Variants in MLIP observed in about 807,000 individuals in gnomAD.
MLIP encodes muscular LMNA interacting protein.
MLIP carries 79 observed loss-of-function variants against 84.8 expected under a neutral mutation model. The observed-to-expected ratio is 0.93, with a 90% CI of 0.78 to 1.12. The LOEUF (loss-of-function observed/expected upper bound fraction) is 1.12, where lower values mean the gene tolerates loss of function less well. MLIP is among the 50% of genes most tolerant of loss of function. The probability of loss-of-function intolerance (pLI) is 0.00; values close to 1 mark genes in which losing one functional copy is unlikely to be tolerated. For missense variants in MLIP, 1,257 were observed against 1,160.6 expected, an observed-to-expected ratio of 1.08 and a Z score of -1.21; for synonymous variants, 504 against 463.0, an observed-to-expected ratio of 1.09 and a Z score of -1.14.
intron 4 of MLIP, among the ~76,000 whole-genome samples, chr6:54,145,686 G>A (rs1772736581): frequency 6.6e-6 from 1 of 152,038 alleles, no homozygotes; most frequent in African/African-American, 2.4e-5. Context: ...TGAGGTGGAA[G>A]AATTGCTTGA....
chr6:54,242,288 G>T (rs16885091), intron 12 of MLIP, among the ~76,000 whole-genome samples: 9,312 of 152,202 alleles, frequency 0.061, 471 homozygotes, highest in East Asian at 0.2. Context: ...AACATTGAAG[G>T]TTGACTTTCC....
intron 1 of MLIP, among the ~76,000 whole-genome samples, chr6:54,098,735 C>T (rs982341464): frequency 6.6e-6 from 1 of 152,076 alleles, no homozygotes; most frequent in African/African-American, 2.4e-5. Flanking sequence ...AATGGCAATC[C>T]TATTGCAAAT....
chr6:54,235,640 C>T (rs1450260028), intron 12 of MLIP, among the ~76,000 whole-genome samples: 1 of 151,984 alleles, frequency 6.6e-6, no homozygotes, highest in African/African-American at 2.4e-5. Context: ...CACTAGGAGC[C>T]CCAGATGCTT....
chr6:54,061,600 G>T (rs1408598316), intron 1 of MLIP, among the ~76,000 whole-genome samples: 12 of 152,162 alleles, frequency 7.9e-5, no homozygotes. Flanking sequence ...GCAGAAGTAG[G>T]ACATACAAAT....
intron 11 of MLIP, among the ~76,000 whole-genome samples, chr6:54,229,635 C>T (rs942323924): frequency 2.6e-5 from 4 of 152,154 alleles, no homozygotes; most frequent in African/African-American, 9.7e-5. Context: ...TTTTACTGTT[C>T]CTGCATTAGT....
Position 54,160,564 on chromosome 6 carries a change from A to G in MLIP, c.2404A>G (p.Thr802Ala). Reference protein sequence around the residue: ...LRQQTEELCATIDKVLQDSLS... With the variant: ...LRQQTEELCAAIDKVLQDSLS... ...GCAGCAAACTGAAGAGCTCTGTGCT[A>G]CCATTGATAAGGTCTTACAGGATTC... Residue 802 changes from threonine to alanine, a missense_variant, in exon 7 of 14, where the codon ACC becomes GCC. Physicochemically the swap from Thr to Ala is moderately conservative, Grantham distance 58. Transcript: ENST00000502396. 6.2e-7 allele frequency: 1 copy of G among 1,612,384 alleles called. No homozygotes were observed. Among genetic ancestry groups the G allele is most frequent in the Non-Finnish European group, 8.5e-7 (1 of 1,179,004 alleles).
At chr6:54,040,527 C>T (rs1764683366) in intron 1 of MLIP, among the ~76,000 whole-genome samples, 1 of 151,996 alleles carries the variant, frequency 6.6e-6, no homozygotes, top group Admixed American at 6.6e-5. Flanking sequence ...AAACTTAAAA[C>T]AGAACTACCT....
chr6:54,136,892 G>A lies in MLIP; in HGVS notation c.823G>A (p.Ala275Thr). 3.3e-6 allele frequency: 5 copies of A among 1,535,452 alleles called. No individual in the cohort carries two copies. Among genetic ancestry groups the A allele is most frequent in the Non-Finnish European group, 4.4e-6 (5 of 1,146,548 alleles). ...DVGGAVVEES[A>T]TYFQTTAHST... Reference sequence around the variant, plus strand: ...CGGTGGGGCCGTGGTGGAAGAATCAGCTACGTATTTTCAAACTACCGCTCA... The same window carrying A: ...CGGTGGGGCCGTGGTGGAAGAATCAACTACGTATTTTCAAACTACCGCTCA... The change falls in exon 4 of 14, where the codon GCT (alanine) becomes ACT (threonine). Residue 275 changes from alanine (A) to threonine (T), a missense_variant. Physicochemically the swap from Ala to Thr is moderately conservative, Grantham distance 58 (BLOSUM62 0). Transcript: ENST00000502396.
At position 54,159,109 on chromosome 6, in the gene MLIP, C is replaced by T. The variant is rs115733908; in HGVS notation, c.2290-1258C>T. On this transcript the variant is annotated intron_variant, in intron 5 of 13. Transcript: ENST00000502396. ...AAAATTTTTTATAGAGATGGGATCTCACTGTGTTGTCCAGGCTGGTCTTGA... is the reference window on the plus strand; with the variant it reads ...AAAATTTTTTATAGAGATGGGATCTTACTGTGTTGTCCAGGCTGGTCTTGA... 7.5e-3 allele frequency among the ~76,000 whole-genome samples: 1,141 copies of T among 151,990 alleles called. 6 individuals carry two copies. Among genetic ancestry groups the T allele is most frequent in the Non-Finnish European group, 0.014 (921 of 67,930 alleles).
chr6:54,108,544 A>T (rs575222728), upstream of MLIP, among the ~76,000 whole-genome samples: 2 of 152,164 alleles, frequency 1.3e-5, no homozygotes, highest in African/African-American at 4.8e-5. Flanking sequence ...ATAATGCATG[A>T]CCATTTATGT....
intron 1 of MLIP, among the ~76,000 whole-genome samples, chr6:54,052,716 T>C (rs1765444166): frequency 6.6e-6 from 1 of 152,118 alleles, no homozygotes; most frequent in Non-Finnish European, 1.5e-5. Flanking sequence ...ATTATACTAC[T>C]TATTGAAAAG....
chr6:54,215,221 C>T, intron 11 of MLIP: 1 of 1,532,044 alleles, frequency 6.5e-7, no homozygotes, highest in Middle Eastern at 2.0e-4. Context: ...GAACCCTATC[C>T]TTGTGGCTAG....
intron 11 of MLIP, chr6:54,203,501 C>T (rs1778830592): frequency 6.6e-6 from 1 of 151,758 alleles, no homozygotes; most frequent in African/African-American, 2.4e-5. Context: ...ATTTATAAAA[C>T]ATAAAGAATC....
chr6:54,230,628 G>A (rs1179140714), intron 11 of MLIP, 86 bp from the exon 12 acceptor site: 19 of 1,218,378 alleles, frequency 1.6e-5, no homozygotes, highest in Non-Finnish European at 2.3e-5. Flanking sequence ...AAGAGATTCT[G>A]ACCTATGTCT....
chr6:54,183,264 T>G (rs759599628), intron 9 of MLIP, among the ~76,000 whole-genome samples: 1 of 152,160 alleles, frequency 6.6e-6, no homozygotes, highest in Non-Finnish European at 1.5e-5. Flanking sequence ...CAGATCTGCT[T>G]CAAGGTAGGA....
At chr6:54,243,910 A>G (rs757523746) in intron 12 of MLIP, among the ~76,000 whole-genome samples, 1 of 152,196 alleles carries the variant, frequency 6.6e-6, no homozygotes, top group Non-Finnish European at 1.5e-5. Flanking sequence ...AGGCCATGGC[A>G]TGAGTTACTG....
intron 1 of MLIP, among the ~76,000 whole-genome samples, chr6:54,026,071 C>A (rs1210339801): frequency 1.3e-5 from 2 of 152,134 alleles, no homozygotes; most frequent in African/African-American, 4.8e-5. Flanking sequence ...AGCTGGAAGG[C>A]AACTGGAGGG....
In MLIP at chr6:54,230,884, T is replaced by G. The variant is rs1465492458; in HGVS notation, c.2889T>G (p.Ser963=). The G allele has an allele frequency of 6.2e-7, 1 of 1,614,066 alleles. No individual in the cohort carries two copies. The highest frequency in any genetic ancestry group is 1.7e-5 in the Admixed American group (1 of 60,008). The change falls in exon 12 of 14, where the codon TCT becomes TCG. Residue 963 remains serine, a synonymous_variant. Transcript: ENST00000502396. Reference sequence around the variant, plus strand: ...CCTTGAGTGATGAACAGGAGAATTCTCACACCCTCCTCAGTCACAACGCAT... The same window carrying G: ...CCTTGAGTGATGAACAGGAGAATTCGCACACCCTCCTCAGTCACAACGCAT... ...SFSLSDEQEN[S]HTLLSHNACN... is the part of the protein sequence containing the mutation.
intron 3 of MLIP, among the ~76,000 whole-genome samples, chr6:54,128,585 G>A (rs1771119974): frequency 6.6e-6 from 1 of 152,074 alleles, no homozygotes. Context: ...AAATAAGGAG[G>A]TCATTTGGTG....
Sources: gnomAD v4.1 joint callset for allele counts (sites outside exome capture counted in the v4.1 genomes callset) on GRCh38, gnomAD v4.1.1 for gene constraint, MANE v1.5 for transcripts, NCBI Gene and HGNC (gene_info 2026-07-23, HGNC 2026-07-21) for gene names.